The following MAD1L1 variants were observed in gnomAD, a reference collection of about 807,000 sequenced individuals.
MAD1L1 encodes the protein mitotic arrest deficient 1 like 1.
In MAD1L1, 95 loss-of-function variants were observed where a neutral mutation model predicts 96.9. The observed-to-expected ratio is 0.98, with a 90% CI of 0.83 to 1.16. MAD1L1 has a LOEUF of 1.16. Ranked by LOEUF, MAD1L1 falls within the 50% of genes most tolerant of loss-of-function variation. MAD1L1 has a pLI of 0.00. For synonymous variants in MAD1L1, 473 were observed against 396.6 expected (o/e 1.19, Z -2.29); for missense variants, 1,007 against 954.4 (o/e 1.06, Z -0.73).
intron 18 of MAD1L1, chr7:1,848,987 G>C (rs533477860): frequency 2.7e-4 from 42 of 154,024 alleles, no homozygotes; most frequent in African/African-American, 9.2e-4. Flanking sequence ...TCACACCAGC[G>C]GGGGCACAGA....
At chr7:2,222,797 G>A (rs1793680671) in intron 4 of MAD1L1, 43 bp from the exon 5 acceptor site, 1 of 1,509,006 alleles carries the variant, frequency 6.6e-7, no homozygotes. Flanking sequence ...CCGCCCACGG[G>A]AGGGTCAGCG....
At chr7:2,071,830 C>T (rs538157282) in intron 11 of MAD1L1, among the ~76,000 whole-genome samples, 16 of 151,812 alleles carry the variant, frequency 1.1e-4, no homozygotes, top group African/African-American at 1.9e-4. Flanking sequence ...CCACTCTTCC[C>T]GGAGGGTGGC....
chr7:1,956,875 G>A (rs1004671882), intron 16 of MAD1L1, among the ~76,000 whole-genome samples: 2 of 152,262 alleles, frequency 1.3e-5, no homozygotes, highest in African/African-American at 2.4e-5. Context: ...GGAAAGGGCT[G>A]GAAGCTGGAG....
In MAD1L1 at chr7:1,859,135, G is replaced by A. The variant is rs185418399; in HGVS notation, c.1998+39065C>T. On this transcript the variant is annotated intron_variant, in intron 18 of 18. Coordinates refer to ENST00000265854, the MANE Select transcript of MAD1L1 (RefSeq NM_001013836.2). The stretch of plus-strand genomic sequence containing the variant: ...ACCTCCACACACAACCCCACACGCA[G>A]GAGGGCCAGATGCCTGAGAGAGGCA... Among the ~76,000 whole-genome samples, 736 of 152,214 alleles carry A rather than the reference G, an allele frequency of 4.8e-3. 22 individuals are homozygous for A. Among genetic ancestry groups the A allele is most frequent in the Admixed American group, 0.044 (676 of 15,282 alleles).
chr7:2,158,613 C>T (rs1481061399), intron 10 of MAD1L1, among the ~76,000 whole-genome samples: 1 of 152,234 alleles, frequency 6.6e-6, no homozygotes, highest in Non-Finnish European at 1.5e-5. Context: ...AACCTCAGTG[C>T]TACAAACCAA....
At chr7:2,176,411 AACAAGCT>A (rs1265262631) in intron 10 of MAD1L1, among the ~76,000 whole-genome samples, 4 of 152,196 alleles carry the variant, frequency 2.6e-5, no homozygotes, top group Non-Finnish European at 4.4e-5. Context: ...CAAAAATAAG[AACAAGCT>A]ATCTGCTACC....
At chr7:1,938,989 GCACACACA>G (rs771225963) in intron 16 of MAD1L1, among the ~76,000 whole-genome samples, 5 of 113,218 alleles carry the variant, frequency 4.4e-5, no homozygotes, top group East Asian at 2.9e-4. Context: ...GACCAGAGGC[GCACACACA>G]CGCACACACA....
intron 16 of MAD1L1, among the ~76,000 whole-genome samples, chr7:1,941,714 G>A (rs191010011): frequency 7.2e-5 from 11 of 152,360 alleles, no homozygotes; most frequent in African/African-American, 2.4e-4. Flanking sequence ...ACCTGCAGCA[G>A]GAGGCCCTGG....
At chr7:2,065,765 C>A (rs997956779) in intron 12 of MAD1L1, among the ~76,000 whole-genome samples, 2 of 152,198 alleles carry the variant, frequency 1.3e-5, no homozygotes, top group Non-Finnish European at 2.9e-5. Context: ...ACTGCTCCCC[C>A]CAAGCCTGGG....
intron 15 of MAD1L1, among the ~76,000 whole-genome samples, chr7:1,969,209 C>T (rs1016160379): frequency 1.3e-5 from 2 of 152,060 alleles, no homozygotes; most frequent in Non-Finnish European, 2.9e-5. Context: ...CGTGATGAAA[C>T]CCCATCTGTA....
rs757371656 is a variant in MAD1L1 at position 2,075,351 on chromosome 7, G to T, written c.1074-6013C>A. On this transcript the variant is annotated intron_variant, in intron 11 of 18. Transcript: ENST00000265854. ...TGCCTCCCACCCCTCAGGCCCTGCA[G>T]GGCACCGGGACCCAGCACGCTGAGC... 5.9e-4 allele frequency among the ~76,000 whole-genome samples: 90 copies of T among 152,210 alleles called. 1 individual carries two copies. Among genetic ancestry groups the T allele is most frequent in the Non-Finnish European group, 6.3e-4 (43 of 68,036 alleles).
chr7:1,850,970 C>T (rs1228692465), intron 18 of MAD1L1, among the ~76,000 whole-genome samples: 2 of 152,204 alleles, frequency 1.3e-5, no homozygotes, highest in African/African-American at 4.8e-5. Flanking sequence ...GGCCTGGCGT[C>T]GCGTCCGTGG....
chr7:2,182,458 C>A (rs1055551663), intron 10 of MAD1L1, among the ~76,000 whole-genome samples: 1 of 151,972 alleles, frequency 6.6e-6, no homozygotes, highest in East Asian at 1.9e-4. Flanking sequence ...AAAGAGCTAC[C>A]ATGTAACCCA....
intron 17 of MAD1L1, among the ~76,000 whole-genome samples, chr7:1,927,685 C>A (rs1789168972): frequency 6.6e-6 from 1 of 152,128 alleles, no homozygotes; most frequent in African/African-American, 2.4e-5. Context: ...TGGGCAAAAA[C>A]TAACTCAAAA....
chr7:1,954,838 G>A (rs948866649), intron 16 of MAD1L1, among the ~76,000 whole-genome samples: 7 of 152,228 alleles, frequency 4.6e-5, no homozygotes, highest in African/African-American at 7.2e-5. Flanking sequence ...CCCCCACCAC[G>A]GGATGGGAGG....
At chr7:1,891,408 G>A (rs1786531454) in intron 18 of MAD1L1, among the ~76,000 whole-genome samples, 2 of 152,114 alleles carry the variant, frequency 1.3e-5, no homozygotes. Context: ...CCCCTGTAAT[G>A]CCAGGTACTC....
At chr7:1,932,036 C>G (rs1224584684) in intron 17 of MAD1L1, among the ~76,000 whole-genome samples, 1 of 152,234 alleles carries the variant, frequency 6.6e-6, no homozygotes, top group African/African-American at 2.4e-5. Flanking sequence ...CATGGCAGCC[C>G]ACGCCTGGCA....
At chr7:2,085,299 G>GT (rs1335230120) in intron 11 of MAD1L1, among the ~76,000 whole-genome samples, 1 of 152,246 alleles carries the variant, frequency 6.6e-6, no homozygotes, top group African/African-American at 2.4e-5. Flanking sequence ...AACGGAGCAA[G>GT]TAACGGTGCC....
chr7:1,843,987 C>G (rs900314394), intron 18 of MAD1L1, among the ~76,000 whole-genome samples: 3 of 152,192 alleles, frequency 2.0e-5, no homozygotes, highest in African/African-American at 7.2e-5. Context: ...TGAGCACACA[C>G]TCAGGATGTG....
Sources: gnomAD v4.1 joint callset for allele counts (sites outside exome capture counted in the v4.1 genomes callset) on GRCh38, gnomAD v4.1.1 for gene constraint, MANE v1.5 for transcripts, NCBI Gene and HGNC (gene_info 2026-07-23, HGNC 2026-07-21) for gene names.